The following SLAIN2 variants were observed in gnomAD, a reference collection of about 807,000 sequenced individuals.
SLAIN2 encodes the protein SLAIN motif-containing protein 2.
In SLAIN2, 31 loss-of-function variants were observed where a neutral mutation model predicts 56.6. The observed-to-expected ratio is 0.55, with a 90% CI of 0.41 to 0.74. The LOEUF (loss-of-function observed/expected upper bound fraction) is 0.74, where lower values mean the gene tolerates loss of function less well. SLAIN2 is among the 30% of genes least tolerant of loss of function. SLAIN2 has a pLI of 0.00. For synonymous variants in SLAIN2, 317 were observed against 284.9 expected, an observed-to-expected ratio of 1.11 and a Z score of -1.13; for missense variants, 777 against 754.2, an observed-to-expected ratio of 1.03 and a Z score of -0.35.
At chr4:48,401,623 T>G (rs1026040664) in intron 6 of SLAIN2, among the ~76,000 whole-genome samples, 8 of 152,252 alleles carry the variant, frequency 5.3e-5, no homozygotes, top group African/African-American at 1.9e-4. Flanking sequence ...GTTTTCCATT[T>G]GCTTGGCAAA....
At chr4:48,369,039 G>C (rs1206795259) in intron 1 of SLAIN2, among the ~76,000 whole-genome samples, 1 of 152,130 alleles carries the variant, frequency 6.6e-6, no homozygotes, top group Non-Finnish European at 1.5e-5. Context: ...TAGATATACA[G>C]TATCGAAGCC....
chr4:48,418,111 C>CCTCCTTCCTCCTTCTTT (rs1160397174), intron 6 of SLAIN2, among the ~76,000 whole-genome samples: 3 of 150,910 alleles, frequency 2.0e-5, no homozygotes, highest in Non-Finnish European at 3.0e-5. Flanking sequence ...CCTCTTCCTC[C>CCTCCTTCCTCCTTCTTT]CTCCTTCCTC....
At chr4:48,359,419 G>C (rs1209316591) in intron 1 of SLAIN2, among the ~76,000 whole-genome samples, 4 of 152,074 alleles carry the variant, frequency 2.6e-5, no homozygotes, top group African/African-American at 9.6e-5. Flanking sequence ...AATCATTTTT[G>C]TCCTTGGCTT....
intron 6 of SLAIN2, among the ~76,000 whole-genome samples, chr4:48,403,130 C>T (rs1314316463): frequency 2.0e-5 from 3 of 152,198 alleles, no homozygotes; most frequent in South Asian, 2.1e-4. Context: ...GATGCTGGCC[C>T]GAACTCTCCT....
chr4:48,341,907 T>C lies in SLAIN2; in HGVS notation c.168T>C (p.Ile56=). 6.6e-7 allele frequency: 1 copy of C among 1,509,022 alleles called. No homozygotes were observed. Among genetic ancestry groups the C allele is most frequent in the Non-Finnish European group, 8.8e-7 (1 of 1,130,356 alleles). The allele number at this position is 1,509,022 out of a possible 1,614,324, so 93.5% of individuals were successfully genotyped here. The change falls in exon 1 of 8, where the codon ATT becomes ATC. Residue 56 remains isoleucine, a synonymous_variant. Coordinates refer to ENST00000264313, the MANE Select transcript of SLAIN2 (RefSeq NM_020846.2). ...PGSPVRAGAS[I]PSSGAASPRG... ...GCCCGGTTCGGGCCGGCGCGTCCAT[T>C]CCCTCCTCCGGCGCGGCGTCTCCTC...
chr4:48,355,486 C>A (rs1381081797), intron 1 of SLAIN2, among the ~76,000 whole-genome samples: 1 of 152,052 alleles, frequency 6.6e-6, no homozygotes, highest in Non-Finnish European at 1.5e-5. Context: ...CCTTCTTCCC[C>A]CCAAGTGTAT....
At chr4:48,387,496 T>G (rs1716130145) in intron 6 of SLAIN2, 1 of 152,026 alleles carries the variant, frequency 6.6e-6, no homozygotes. Flanking sequence ...ATGGTGTATT[T>G]CAGTACTTGA....
intron 6 of SLAIN2, among the ~76,000 whole-genome samples, chr4:48,389,945 A>T (rs9996532): frequency 0.47 from 71,550 of 151,982 alleles, 17,911 homozygotes; most frequent in African/African-American, 0.64. Flanking sequence ...GTGTGGAGAA[A>T]AGATTCAGTG....
intron 2 of SLAIN2, among the ~76,000 whole-genome samples, chr4:48,375,212 G>T (rs1715777471): frequency 6.6e-6 from 1 of 152,074 alleles, no homozygotes. Context: ...GGAGGAAAAA[G>T]GTAGAATTTA....
chr4:48,341,574 G>A lies in SLAIN2; in HGVS notation c.-166G>A, dbSNP rs1361035578. On this transcript the variant is annotated 5_prime_UTR_variant, in exon 1 of 8. Transcript: ENST00000264313. ...TGAGGCAGTTCGGCTGGGGCCAGCGGCGCTTTGGAACCCGAGGTGGGGGGA... is the reference window on the plus strand; with the variant it reads ...TGAGGCAGTTCGGCTGGGGCCAGCGACGCTTTGGAACCCGAGGTGGGGGGA... 9.1e-7 allele frequency: 1 copy of A among 1,102,250 alleles called. No homozygotes were observed. Among genetic ancestry groups the A allele is most frequent in the Non-Finnish European group, 1.2e-6 (1 of 824,950 alleles). 68.3% of individuals were successfully genotyped at this position (1,102,250 alleles called of 1,614,324 possible).
At chr4:48,362,423 C>CT (rs557166143) in intron 1 of SLAIN2, among the ~76,000 whole-genome samples, 8,409 of 140,888 alleles carry the variant, frequency 0.06, 301 homozygotes, top group African/African-American at 0.09. Flanking sequence ...TTCTCTCTCT[C>CT]TTTTTTTTTT....
At chr4:48,402,567 G>T (rs1473132589) in intron 6 of SLAIN2, among the ~76,000 whole-genome samples, 1 of 152,050 alleles carries the variant, frequency 6.6e-6, no homozygotes. Flanking sequence ...ACTTGTTATT[G>T]CATTGTGAAG....
rs1376434415 is a variant in SLAIN2 at position 48,422,551 on chromosome 4, A to G, written c.*474A>G. 1 of 152,804 alleles carries G rather than the reference A, an allele frequency of 6.5e-6. No homozygotes were observed. Among genetic ancestry groups the G allele is most frequent in the African/African-American group, 2.4e-5 (1 of 41,472 alleles). The allele number at this position is 152,804 out of a possible 1,614,324, so 9.5% of individuals were successfully genotyped here. A position where few individuals can be genotyped will look rare whatever the true frequency, so the allele number is the denominator to read the frequency against. On this transcript the variant is annotated 3_prime_UTR_variant, in exon 8 of 8. Coordinates refer to ENST00000264313, the MANE Select transcript of SLAIN2 (RefSeq NM_020846.2). ...GAACTAATATTCTGACTAATTATCT[A>G]AAGTGTTTCACTAGTACACCAGGAA...
chr4:48,397,803 A>G (rs1280466958), intron 6 of SLAIN2, among the ~76,000 whole-genome samples: 4 of 151,722 alleles, frequency 2.6e-5, no homozygotes, highest in Admixed American at 6.6e-5. Flanking sequence ...ATGGCTTCCA[A>G]CTCCATCTAT....
intron 1 of SLAIN2, among the ~76,000 whole-genome samples, chr4:48,355,122 C>T (rs1253761455): frequency 2.0e-5 from 3 of 152,104 alleles, no homozygotes; most frequent in Non-Finnish European, 4.4e-5. Context: ...CCTCGTGATC[C>T]GCCTGCCTCA....
At chr4:48,383,586 A>G in intron 5 of SLAIN2, 61 bp from the exon 6 acceptor site, 1 of 1,377,920 alleles carries the variant, frequency 7.3e-7, no homozygotes, top group Middle Eastern at 1.9e-4. Flanking sequence ...ATGCTAGTTA[A>G]TATTTTAATT....
intron 1 of SLAIN2, among the ~76,000 whole-genome samples, chr4:48,346,971 G>T (rs1714883669): frequency 6.6e-6 from 1 of 151,158 alleles, no homozygotes; most frequent in Non-Finnish European, 1.5e-5. Context: ...ACTGTGCCTT[G>T]CCCTCTATTC....
intron 1 of SLAIN2, among the ~76,000 whole-genome samples, chr4:48,346,992 A>G (rs1479293116): frequency 1.3e-5 from 2 of 151,716 alleles, no homozygotes; most frequent in East Asian, 1.9e-4. Context: ...CATTGTTAGC[A>G]GTGGTTTTCC....
At chr4:48,370,104 CA>C in intron 2 of SLAIN2, 107 bp downstream of exon 2, 1 of 1,133,324 alleles carries the variant, frequency 8.8e-7, no homozygotes, top group East Asian at 2.6e-5. Flanking sequence ...GAGCATTTTT[CA>C]AATCTCATTG....
Sources: allele counts gnomAD v4.1 joint callset (sites outside exome capture counted in the v4.1 genomes callset), GRCh38; gene constraint gnomAD v4.1.1; transcripts MANE v1.5; gene names NCBI Gene and HGNC (gene_info 2026-07-23, HGNC 2026-07-21).